GATD1: variants seen among roughly 807,000 people sequenced by gnomAD.
The protein encoded by GATD1 is glutamine amidotransferase-like class 1 domain-containing protein 1.
A neutral mutation model predicts 25.9 loss-of-function variants in GATD1; 23 were observed. The observed-to-expected ratio is 0.89, with a 90% CI of 0.64 to 1.26. GATD1 has a LOEUF of 1.26. GATD1 is among the 50% of genes most tolerant of loss of function. GATD1 has a pLI of 0.00. For missense variants in GATD1, 347 were observed against 312.5 expected (o/e 1.11, Z -0.83); for synonymous variants, 177 against 134.6 (o/e 1.31, Z -2.18).
intron 3 of GATD1, 38 bp from the exon 4 acceptor site, chr11:773,667 C>G (rs763735044): frequency 1.4e-6 from 2 of 1,477,274 alleles, no homozygotes; most frequent in South Asian, 2.4e-5. Context: ...AGCCACATGT[C>G]AAAGTGAGAC....
chr11:774,396 C>T (rs1863760010), intron 2 of GATD1, among the ~76,000 whole-genome samples: 1 of 152,260 alleles, frequency 6.6e-6, no homozygotes, highest in Non-Finnish European at 1.5e-5. Flanking sequence ...CTTACTATGA[C>T]TTATGTACAT....
intron 1 of GATD1, among the ~76,000 whole-genome samples, 177 bp from the exon 2 acceptor site, chr11:775,319 G>C (rs995825437): frequency 6.6e-6 from 1 of 152,228 alleles, no homozygotes; most frequent in African/African-American, 2.4e-5. Context: ...ACCCATTCAC[G>C]TCCAGGAGAA....
At chr11:776,203 G>C (rs972376993) in intron 1 of GATD1, among the ~76,000 whole-genome samples, 15 of 151,860 alleles carry the variant, frequency 9.9e-5, no homozygotes, top group South Asian at 4.1e-4. Context: ...GAATGGTCTC[G>C]ATCTCTTGAC....
Position 770,250 on chromosome 11 carries a change from C to T in GATD1, c.*647G>A, listed in dbSNP as rs1863313027. ...TTCCTATCATTGAGAATCTCATGGT[C>T]TCATATTCACAAGTAAACGTGCCTC... On this transcript the variant is annotated 3_prime_UTR_variant, in exon 8 of 8. Coordinates refer to ENST00000319863, the MANE Select transcript of GATD1 (RefSeq NM_182612.4). 1 of 1,422,618 alleles carries T rather than the reference C, an allele frequency of 7.0e-7. No individual in the cohort carries two copies. The highest frequency in any genetic ancestry group is 2.6e-5 in the East Asian group (1 of 39,094). The allele number at this position is 1,422,618 out of a possible 1,614,324, so 88.1% of individuals were successfully genotyped here. A position where few individuals can be genotyped will look rare whatever the true frequency, so the allele number is the denominator to read the frequency against.
Position 772,541 on chromosome 11 carries a change from T to C in GATD1, c.356-20A>G. 1.2e-6 allele frequency: 2 copies of C among 1,604,914 alleles called. No homozygotes were observed. The highest frequency in any genetic ancestry group is 1.7e-6 in the Non-Finnish European group (2 of 1,178,068). Reference sequence around the variant, plus strand: ...TGGGTTCTGAAAGCCGTACATGGCGTTGAGGCCCTGGACCCCGCCACCCGC... The same window carrying C: ...TGGGTTCTGAAAGCCGTACATGGCGCTGAGGCCCTGGACCCCGCCACCCGC... On this transcript the variant is annotated intron_variant, in intron 4 of 7. Coordinates refer to ENST00000319863, the MANE Select transcript of GATD1 (RefSeq NM_182612.4).
chr11:772,389 G>A (rs777935745), intron 5 of GATD1, 38 bp downstream of exon 5: 7 of 1,463,502 alleles, frequency 4.8e-6, no homozygotes, highest in African/African-American at 1.4e-5. Context: ...GGAGGACAGA[G>A]CAGGGAGCAC....
Position 770,268 on chromosome 11 carries a change from C to A in GATD1, c.*629G>T. The A allele has an allele frequency of 6.9e-7, 1 of 1,450,474 alleles. No homozygotes were observed. Among genetic ancestry groups the A allele is most frequent in the South Asian group, 1.4e-5 (1 of 73,076 alleles). 89.9% of individuals were successfully genotyped at this position (1,450,474 alleles called of 1,614,324 possible). ...TCATGGTCTCATATTCACAAGTAAACGTGCCTCTCAATGCTTAGGACAGGG... is the reference window on the plus strand; with the variant it reads ...TCATGGTCTCATATTCACAAGTAAAAGTGCCTCTCAATGCTTAGGACAGGG... On this transcript the variant is annotated 3_prime_UTR_variant, in exon 8 of 8. Coordinates refer to ENST00000319863, the MANE Select transcript of GATD1 (RefSeq NM_182612.4).
chr11:773,219 T>C (rs899731165), intron 4 of GATD1: 4 of 368,736 alleles, frequency 1.1e-5, no homozygotes, highest in Non-Finnish European at 2.0e-5. Context: ...AGCCCAGCCC[T>C]GGATGCCAGG....
rs1263433882 is a variant in GATD1 at position 771,320 on chromosome 11, C to T, written c.544+13G>A. ...CATCTTCTGTAAGTGCAGGGGGCAC[C>T]CTCGAGGCTCACCACTGAAGCAGGC... On this transcript the variant is annotated intron_variant, in intron 6 of 7. Coordinates refer to ENST00000319863, the MANE Select transcript of GATD1 (RefSeq NM_182612.4). The T allele has an allele frequency of 1.9e-6, 3 of 1,604,052 alleles. No individual in the cohort carries two copies. The South Asian group carries it at 3.3e-5, about 18-fold the overall frequency.
intron 5 of GATD1, among the ~76,000 whole-genome samples, chr11:772,065 C>G (rs796681129): frequency 6.6e-6 from 1 of 152,186 alleles, no homozygotes; most frequent in East Asian, 1.9e-4. Context: ...CGAGGACACC[C>G]TGGCTGGGCT....
rs372180763 is a variant in GATD1, at chr11:774,071, G to A, written c.184C>T (p.Arg62Cys). Residue 62 changes from arginine to cysteine, a missense_variant, in exon 3 of 8, where the codon CGC becomes TGC. Transcript: ENST00000319863. ...EFVDVTESNA[R>C]WVQDFRLKAY... ...TTGAGGCGGAAGTCTTGCACCCAGC[G>A]TGCATTGCTCTCAGTCACATCCACA... 4.3e-5 allele frequency: 69 copies of A among 1,613,608 alleles called. No homozygotes were observed. The highest frequency in any genetic ancestry group is 3.4e-4 in the South Asian group (31 of 91,096).
intron 1 of GATD1, 144 bp downstream of exon 1, chr11:777,255 C>T: frequency 2.3e-6 from 1 of 427,698 alleles, no homozygotes; most frequent in Non-Finnish European, 3.6e-6. Flanking sequence ...CCCGCTCCGC[C>T]CTCCCCCGGC....
chr11:777,388 C>T lies in GATD1; in HGVS notation c.64+11G>A. 2.3e-6 allele frequency: 3 copies of T among 1,296,332 alleles called. No individual in the cohort carries two copies. The highest frequency in any genetic ancestry group is 2.9e-6 in the Non-Finnish European group (3 of 1,020,122). The allele number at this position is 1,296,332 out of a possible 1,614,324, so 80.3% of individuals were successfully genotyped here. ...GCTCTTCGGACACTGGCCCCGGCCG[C>T]CGGGCCTCACCTTCGGCGGCGCCGC... On this transcript the variant is annotated intron_variant, in intron 1 of 7. Transcript: ENST00000319863.
Position 770,124 on chromosome 11 carries a change from G to A in GATD1, c.*773C>T. 8.1e-7 allele frequency: 1 copy of A among 1,229,770 alleles called. No individual in the cohort carries two copies. Among genetic ancestry groups the A allele is most frequent in the Non-Finnish European group, 1.0e-6 (1 of 985,966 alleles). The allele number at this position is 1,229,770 out of a possible 1,614,324, so 76.2% of individuals were successfully genotyped here. A position where few individuals can be genotyped will look rare whatever the true frequency, so the allele number is the denominator to read the frequency against. On this transcript the variant is annotated 3_prime_UTR_variant, in exon 8 of 8. Transcript: ENST00000319863. ...TGGGGCCAGGGGGCAGCCCGCTGGA[G>A]GGCCACAGCCCAGGCCAGGTGCCCA...
In GATD1 at chr11:767,567, G is replaced by A. The variant is rs1863124640; in HGVS notation, c.*3330C>T. The A allele has an allele frequency of 2.8e-6, 4 of 1,414,208 alleles. No individual in the cohort carries two copies. The highest frequency in any genetic ancestry group is 3.7e-6 in the Non-Finnish European group (4 of 1,089,166). 87.6% of individuals were successfully genotyped at this position (1,414,208 alleles called of 1,614,324 possible). A position where few individuals can be genotyped will look rare whatever the true frequency, so the allele number is the denominator to read the frequency against. ...AATGCTGGGCTCAATGTCAGATCTGGCTGACCAGAGGGGCTCAATGAGGCT... is the reference window on the plus strand; with the variant it reads ...AATGCTGGGCTCAATGTCAGATCTGACTGACCAGAGGGGCTCAATGAGGCT... On this transcript the variant is annotated 3_prime_UTR_variant, in exon 8 of 8. Transcript: ENST00000319863.
intron 1 of GATD1, 83 bp from the exon 2 acceptor site, chr11:775,225 C>T: frequency 8.7e-7 from 1 of 1,145,440 alleles, no homozygotes; most frequent in Non-Finnish European, 1.3e-6. Flanking sequence ...CCCATGGCCT[C>T]GACTGACCCC....
At chr11:772,585 G>A (rs930160725) in intron 4 of GATD1, 64 bp from the exon 5 acceptor site, 6 of 1,461,994 alleles carry the variant, frequency 4.1e-6, no homozygotes, top group Non-Finnish European at 4.7e-6. Flanking sequence ...GCCCCTCCCA[G>A]ATGCCCCTGC....
rs766939231 is a variant in GATD1 at position 770,233 on chromosome 11, A to G, written c.*664T>C. ...CCGTGGGGGACAGCACTTTCCTATC[A>G]TTGAGAATCTCATGGTCTCATATTC... On this transcript the variant is annotated 3_prime_UTR_variant, in exon 8 of 8. Transcript: ENST00000319863. 106 of 1,388,334 alleles carry G rather than the reference A, an allele frequency of 7.6e-5. No individual in the cohort carries two copies. The highest frequency in any genetic ancestry group is 9.8e-5 in the Non-Finnish European group (104 of 1,066,346). The allele number at this position is 1,388,334 out of a possible 1,614,324, so 86.0% of individuals were successfully genotyped here. A position where few individuals can be genotyped will look rare whatever the true frequency, so the allele number is the denominator to read the frequency against.
rs71896551 is a variant in GATD1 at position 769,104 on chromosome 11, A to AAAAT, written c.*1789_*1792dup. ...TGACGAGAGACAAACTCCATCTCAA[A>AAAAT]AAATAAATAAAATAAAAAGCATTTG... On this transcript the variant is annotated 3_prime_UTR_variant, in exon 8 of 8. Transcript: ENST00000319863. 0.73 allele frequency: 711,718 copies of AAAAT among 975,586 alleles called. 261,508 individuals carry two copies. Among genetic ancestry groups the AAAAT allele is most frequent in the African/African-American group, 0.86 (48,591 of 56,640 alleles). The allele number at this position is 975,586 out of a possible 1,614,324, so 60.4% of individuals were successfully genotyped here.
Sources: allele counts gnomAD v4.1 joint callset (sites outside exome capture counted in the v4.1 genomes callset), GRCh38; gene constraint gnomAD v4.1.1; transcripts MANE v1.5; gene names NCBI Gene and HGNC (gene_info 2026-07-23, HGNC 2026-07-21).